Variants in LRRC7 observed in about 807,000 individuals in gnomAD.
LRRC7 encodes the protein leucine-rich repeat-containing protein 7.
LRRC7 carries 23 observed loss-of-function variants against 175.7 expected under a neutral mutation model. The ratio of observed to expected loss-of-function variants is 0.13; its 90% CI spans 0.09 to 0.19. The LOEUF (loss-of-function observed/expected upper bound fraction) is 0.19, where lower values mean the gene tolerates loss of function less well. Ranked by LOEUF, LRRC7 falls within the 10% of genes least tolerant of loss-of-function variation. LRRC7 has a pLI of 1.00. For synonymous variants in LRRC7, 685 were observed against 680.9 expected (o/e 1.01, Z -0.09); for missense variants, 1,354 against 1,904.7 (o/e 0.71, Z 5.38).
intron 3 of LRRC7, among the ~76,000 whole-genome samples, chr1:69,790,043 C>A (rs907596311): frequency 2.0e-5 from 3 of 152,134 alleles, no homozygotes; most frequent in Admixed American, 2.0e-4. Context: ...ATAACTTACT[C>A]CTGACTGCAG....
chr1:70,018,044 AT>A (rs1657118056), intron 14 of LRRC7, among the ~76,000 whole-genome samples: 1 of 152,094 alleles, frequency 6.6e-6, no homozygotes, highest in Non-Finnish European at 1.5e-5. Flanking sequence ...TTTCACTCCT[AT>A]TAATGTCATT....
intron 8 of LRRC7, among the ~76,000 whole-genome samples, chr1:69,976,172 A>C (rs2101878815): frequency 6.6e-6 from 1 of 152,304 alleles, no homozygotes; most frequent in South Asian, 2.1e-4. Context: ...TAGATAGATA[A>C]TATAAAGGGG....
At chr1:69,725,138 G>GA (rs1210285387) in intron 2 of LRRC7, among the ~76,000 whole-genome samples, 2 of 151,714 alleles carry the variant, frequency 1.3e-5, no homozygotes, top group Admixed American at 6.6e-5. Context: ...GATATGGCCA[G>GA]AAAAAAGACA....
intron 2 of LRRC7, among the ~76,000 whole-genome samples, chr1:69,695,220 G>A (rs1469804603): frequency 6.6e-6 from 1 of 152,192 alleles, no homozygotes; most frequent in East Asian, 1.9e-4. Flanking sequence ...TTATGTCATA[G>A]CAAAGAACTT....
chr1:69,583,581 TG>T (rs1416313377), intron 1 of LRRC7, among the ~76,000 whole-genome samples: 1 of 152,188 alleles, frequency 6.6e-6, no homozygotes, highest in African/African-American at 2.4e-5. Flanking sequence ...AAAATGACTG[TG>T]TTTTATGTTC....
At chr1:69,699,267 T>C (rs1480251827) in intron 2 of LRRC7, among the ~76,000 whole-genome samples, 1 of 151,958 alleles carries the variant, frequency 6.6e-6, no homozygotes, top group African/African-American at 2.4e-5. Context: ...CCCAACCGAG[T>C]GTGGTGGCTC....
Position 70,082,781 on chromosome 1 carries a change from A to ATTTTTTT in LRRC7, c.4452+6508_4452+6514dup, listed in dbSNP as rs1172403797. Among the ~76,000 whole-genome samples, 41 of 52,300 alleles carry ATTTTTTT rather than the reference A, an allele frequency of 7.8e-4. 13 individuals carry two copies. The highest frequency in any genetic ancestry group is 3.6e-3 in the East Asian group (5 of 1,408). 34.3% of individuals were successfully genotyped at this position (52,300 alleles called of 152,430 possible). A position where few individuals can be genotyped will look rare whatever the true frequency, so the allele number is the denominator to read the frequency against. The stretch of plus-strand genomic sequence containing the variant: ...TATTAGTCAATCTTGATACCAGTAC[A>ATTTTTTT]TTTTTTTTTTTTTTTTTTTTTTTTT... On this transcript the variant is annotated intron_variant, in intron 24 of 26. Transcript: ENST00000651989.
At chr1:70,088,243 A>G (rs1663757689) in intron 24 of LRRC7, among the ~76,000 whole-genome samples, 1 of 152,124 alleles carries the variant, frequency 6.6e-6, no homozygotes, top group Admixed American at 6.6e-5. Flanking sequence ...TGGTTCACCT[A>G]ATACTTACTC....
At chr1:69,830,805 C>A (rs1032848086) in intron 5 of LRRC7, among the ~76,000 whole-genome samples, 1 of 151,786 alleles carries the variant, frequency 6.6e-6, no homozygotes, top group Non-Finnish European at 1.5e-5. Context: ...AAGAAAAGTT[C>A]AATAGAAAAT....
intron 2 of LRRC7, among the ~76,000 whole-genome samples, chr1:69,740,592 CAG>C (rs1668604620): frequency 6.6e-6 from 1 of 152,012 alleles, no homozygotes; most frequent in Admixed American, 6.6e-5. Flanking sequence ...TTACAGAAAA[CAG>C]AGATGAGGTA....
chr1:69,762,030 G>T (rs1320373330), intron 3 of LRRC7, among the ~76,000 whole-genome samples: 1 of 151,868 alleles, frequency 6.6e-6, no homozygotes, highest in Non-Finnish European at 1.5e-5. Context: ...TTCAGAAACA[G>T]ACAACATTTT....
At chr1:70,040,345 C>T (rs1291181967) in intron 21 of LRRC7, among the ~76,000 whole-genome samples, 3 of 152,138 alleles carry the variant, frequency 2.0e-5, no homozygotes, top group African/African-American at 7.2e-5. Context: ...CCCTCCTACA[C>T]ATTATTTTAT....
intron 7 of LRRC7, among the ~76,000 whole-genome samples, chr1:69,921,344 CAA>C (rs1448429115): frequency 5.9e-5 from 9 of 152,190 alleles, no homozygotes; most frequent in African/African-American, 1.9e-4. Context: ...TACACACACA[CAA>C]ACACACACAC....
intron 1 of LRRC7, among the ~76,000 whole-genome samples, chr1:69,623,512 A>G (rs1296316819): frequency 6.7e-6 from 1 of 149,162 alleles, no homozygotes; most frequent in Non-Finnish European, 1.5e-5. Context: ...CAAATAGTTG[A>G]TTTTGCTTAC....
rs575947633 is a variant in LRRC7, at chr1:70,129,268, A to G, written c.*7381A>G. ...TCTTAAAAAAAAAAAAAAAAGTGTC[A>G]CGAAAAGTGTGAGCTAGATGAATAT... On this transcript the variant is annotated 3_prime_UTR_variant, in exon 27 of 27. Transcript: ENST00000651989. Among the ~76,000 whole-genome samples, 1 of 151,482 alleles carries G rather than the reference A, an allele frequency of 6.6e-6. No homozygotes were observed. The highest frequency in any genetic ancestry group is 2.1e-4 in the South Asian group (1 of 4,778).
intron 7 of LRRC7, among the ~76,000 whole-genome samples, chr1:69,913,668 C>T (rs756161401): frequency 3.3e-5 from 5 of 152,018 alleles, no homozygotes; most frequent in Non-Finnish European, 7.4e-5. Context: ...CCCATGACCA[C>T]GCCTGGCTAA....
chr1:69,913,069 A>C (rs1646581810), intron 7 of LRRC7, among the ~76,000 whole-genome samples: 1 of 152,170 alleles, frequency 6.6e-6, no homozygotes, highest in African/African-American at 2.4e-5. Flanking sequence ...ATCTAAAAGG[A>C]AAAAATATTT....
chr1:69,632,680 AT>A (rs1439831539), intron 1 of LRRC7, among the ~76,000 whole-genome samples: 1 of 151,972 alleles, frequency 6.6e-6, no homozygotes, highest in Non-Finnish European at 1.5e-5. Flanking sequence ...TAATGAGTAA[AT>A]GCCTCTCACT....
At chr1:69,886,295 G>T (rs1483399819) in intron 7 of LRRC7, among the ~76,000 whole-genome samples, 1 of 151,568 alleles carries the variant, frequency 6.6e-6, no homozygotes, top group East Asian at 2.0e-4. Flanking sequence ...ACGAATCTGG[G>T]TGCTCCTGTA....
Sources: allele counts gnomAD v4.1 joint callset (sites outside exome capture counted in the v4.1 genomes callset), GRCh38; gene constraint gnomAD v4.1.1; transcripts MANE v1.5; gene names NCBI Gene and HGNC (gene_info 2026-07-23, HGNC 2026-07-21).